DNHD1: variants seen among roughly 807,000 people sequenced by gnomAD.
DNHD1 encodes dynein heavy chain domain-containing protein 1.
Under a neutral mutation model 458.1 loss-of-function variants are expected in DNHD1, and 383 were observed. That is an observed-to-expected ratio of 0.84 (90% CI 0.77 to 0.91). The LOEUF (loss-of-function observed/expected upper bound fraction) is 0.91, where lower values mean the gene tolerates loss of function less well. DNHD1 is among the 40% of genes least tolerant of loss of function. The probability of loss-of-function intolerance (pLI) is 0.00; values close to 1 mark genes in which losing one functional copy is unlikely to be tolerated. For missense variants in DNHD1, 5,336 were observed against 5,866.1 expected, an observed-to-expected ratio of 0.91 and a Z score of 2.95; for synonymous variants, 2,203 against 2,376.9, an observed-to-expected ratio of 0.93 and a Z score of 2.13.
At chr11:6,512,211 C>CTTTTTTTTTTTTTTTTT (rs11287049) in intron 7 of DNHD1, among the ~76,000 whole-genome samples, 36 of 91,632 alleles carry the variant, frequency 3.9e-4, no homozygotes, top group African/African-American at 1.5e-3. Context: ...CTTTTTCTTT[C>CTTTTTTTTTTTTTTTTT]TTTTTTTTTT....
Position 6,498,472 on chromosome 11 carries a change from C to T in DNHD1, c.257C>T (p.Ala86Val), listed in dbSNP as rs764547906. 6.2e-7 allele frequency: 1 copy of T among 1,614,192 alleles called. No homozygotes were observed. Among genetic ancestry groups the T allele is most frequent in the Non-Finnish European group, 8.5e-7 (1 of 1,180,044 alleles). ...SSPAAWRYLH[A>V]VLGLLPPYRE... ...CCTGCAGCTTGGCGCTATCTTCATG[C>T]AGTACTGGGTCTACTGCCTCCATAT... Residue 86 changes from alanine to valine, a missense_variant, in exon 3 of 43, where the codon GCA (alanine) becomes GTA (valine). Ala to Val is a moderately conservative substitution (Grantham distance 64). Around this residue, in one of 4 missense-constraint regions of DNHD1, gnomAD observed 3,932 missense variants for 4,365.6 expected, o/e 0.90. Transcript: ENST00000254579.
chr11:6,559,011 G>T lies in DNHD1; in HGVS notation c.9321G>T (p.Leu3107Phe). ...THYHEHLCPA[L>F]PLVTPKTFLD... ...ACCATGAGCACCTGTGCCCTGCATT[G>T]CCACTCGTCACCCCCAAGACCTTCC... Residue 3107 changes from leucine to phenylalanine, a missense_variant, in exon 27 of 43, where the codon TTG becomes TTT. Coordinates refer to ENST00000254579, the MANE Select transcript of DNHD1 (RefSeq NM_144666.3). 6.4e-7 allele frequency: 1 copy of T among 1,551,644 alleles called. No homozygotes were observed. Among genetic ancestry groups the T allele is most frequent in the South Asian group, 1.2e-5 (1 of 84,060 alleles).
At position 6,570,961 on chromosome 11, in the gene DNHD1, C is replaced by A. The variant is rs768477382; in HGVS notation, c.13449C>A (p.Gly4483=). 30 of 1,606,952 alleles carry A rather than the reference C, an allele frequency of 1.9e-5. No individual in the cohort carries two copies. The highest frequency in any genetic ancestry group is 2.5e-5 in the Non-Finnish European group (29 of 1,174,534). The change falls in exon 42 of 43, where the codon GGC becomes GGA. Residue 4483 remains glycine, a synonymous_variant. Coordinates refer to ENST00000254579, the MANE Select transcript of DNHD1 (RefSeq NM_144666.3). Reference sequence around the variant, plus strand: ...CAAATGCACGGCGGCCTCTGGAGGGCGTCTTAGAGACCGAGGCTCTAGAAC... The same window carrying A: ...CAAATGCACGGCGGCCTCTGGAGGGAGTCTTAGAGACCGAGGCTCTAGAAC... ...LGPNARRPLE[G]VLETEALELS... is the part of the protein sequence containing the mutation.
At chr11:6,515,381 C>T (rs1335893464) in intron 7 of DNHD1, among the ~76,000 whole-genome samples, 5 of 152,152 alleles carry the variant, frequency 3.3e-5, no homozygotes, top group South Asian at 2.1e-4. Flanking sequence ...TATATTTTTT[C>T]GTTCTTCAGG....
chr11:6,536,314 C>G (rs1479834332), intron 14 of DNHD1, among the ~76,000 whole-genome samples: 1 of 152,052 alleles, frequency 6.6e-6, no homozygotes, highest in African/African-American at 2.4e-5. Context: ...ATTATTAGGT[C>G]AACTGACAAA....
chr11:6,566,692 C>G lies in DNHD1; in HGVS notation c.11312C>G (p.Pro3771Arg). 6.2e-7 allele frequency: 1 copy of G among 1,612,942 alleles called. No individual in the cohort carries two copies. Among genetic ancestry groups the G allele is most frequent in the Non-Finnish European group, 8.5e-7 (1 of 1,179,456 alleles). ...CATGAAATCTTGTGCAGAGAGTATC[C>G]TGAACTCGAGACCCGCTGGCAGGAC... Reference protein sequence around the residue: ...MLHEILCREYPELETRWQDLK... With the variant: ...MLHEILCREYRELETRWQDLK... Residue 3771 changes from proline (P) to arginine (R), a missense_variant, in exon 35 of 43, where the codon CCT (proline) becomes CGT (arginine). Physicochemically the swap from Pro to Arg is moderately radical, Grantham distance 103. Around this residue, in one of 4 missense-constraint regions of DNHD1, gnomAD observed 695 missense variants for 804.2 expected, o/e 0.86. Coordinates refer to ENST00000254579, the MANE Select transcript of DNHD1 (RefSeq NM_144666.3).
At position 6,571,381 on chromosome 11, in the gene DNHD1, G is replaced by A. The variant is rs1438384775; in HGVS notation, c.13869G>A (p.Gln4623=). The change falls in exon 42 of 43, where the codon CAG becomes CAA. Residue 4623 remains glutamine (Q), a synonymous_variant. Coordinates refer to ENST00000254579, the MANE Select transcript of DNHD1 (RefSeq NM_144666.3). The surrounding 1 kb of genome is among the most constrained non-coding windows in gnomAD (Gnocchi z 5.0). ...GAGGCTCGGTCTCCAGTCAGCTCCA[G>A]TATAAACGTCTGGAGATGAACAGCA... ...GSRGSVSSQL[Q]YKRLEMNSNP... 1 of 1,611,298 alleles carries A rather than the reference G, an allele frequency of 6.2e-7. No individual in the cohort carries two copies. Among genetic ancestry groups the A allele is most frequent in the Admixed American group, 1.7e-5 (1 of 59,814 alleles).
At chr11:6,532,959 C>A (rs541693565) in intron 12 of DNHD1, 68 bp from the exon 13 acceptor site, 3 of 1,470,578 alleles carry the variant, frequency 2.0e-6, no homozygotes, top group Admixed American at 4.1e-5. Context: ...CCACTCTGGA[C>A]CACAGCACTG....
At chr11:6,532,133 T>C (rs968253629) in intron 12 of DNHD1, among the ~76,000 whole-genome samples, 1 of 152,240 alleles carries the variant, frequency 6.6e-6, no homozygotes, top group Non-Finnish European at 1.5e-5. Context: ...CACTCTATAC[T>C]CTATTTGGTG....
In DNHD1 at chr11:6,571,112, C is replaced by T; in HGVS notation, c.13600C>T (p.Pro4534Ser). 1 of 1,599,934 alleles carries T rather than the reference C, an allele frequency of 6.3e-7. No homozygotes were observed. The highest frequency in any genetic ancestry group is 8.5e-7 in the Non-Finnish European group (1 of 1,174,842). Reference protein sequence around the residue: ...VAHALWTGRLPLPWRPHAPAG... With the variant: ...VAHALWTGRLSLPWRPHAPAG... The stretch of plus-strand genomic sequence containing the variant: ...CCACGCTCTCTGGACTGGCCGCCTA[C>T]CCTTGCCTTGGCGACCTCATGCGCC... Residue 4534 changes from proline (P) to serine (S), a missense_variant, in exon 42 of 43, where the codon CCC (proline) becomes TCC (serine). Pro to Ser is a moderately conservative substitution (Grantham distance 74). This residue lies in a region of DNHD1 where 698 missense variants were observed against 664.9 expected (regional missense o/e 1.05). Coordinates refer to ENST00000254579, the MANE Select transcript of DNHD1 (RefSeq NM_144666.3). The surrounding 1 kb of genome is among the most constrained non-coding windows in gnomAD (Gnocchi z 5.0).
rs1453354492 is a variant in DNHD1 at position 6,538,053 on chromosome 11, C to A, written c.2999-330C>A. ...TAGACTGCTAGTCAAAGGCCCTTAG[C>A]AGGAGGGTGCATATCTGGTGCATCT... On this transcript the variant is annotated intron_variant, in intron 14 of 42. Transcript: ENST00000254579. Among the ~76,000 whole-genome samples the A allele has an allele frequency of 2.0e-5, 3 of 152,216 alleles. No homozygotes were observed. In the East Asian group the frequency reaches 5.8e-4, roughly 29 times the overall value.
intron 28 of DNHD1, among the ~76,000 whole-genome samples, chr11:6,561,262 A>AAAATAATTTT: frequency 6.6e-6 from 1 of 152,020 alleles, no homozygotes; most frequent in Non-Finnish European, 1.5e-5. Context: ...ACAGCAAAAC[A>AAAATAATTTT]CTGTCTCTAC....
At chr11:6,520,205 A>G in intron 9 of DNHD1, 33 bp from the exon 10 acceptor site, 1 of 1,577,752 alleles carries the variant, frequency 6.3e-7, no homozygotes, top group Non-Finnish European at 8.6e-7. Flanking sequence ...TTGCTTTCCC[A>G]TTTCTGCCCC....
In DNHD1 at chr11:6,547,319, A is replaced by T. The variant is rs1190623333; in HGVS notation, c.6380A>T (p.Glu2127Val). ...CCCCCAGGCACCTTTCTCTTGATGG[A>T]GGTGGCTGACACAACAGGCATATCC... ...ARPPGTFLLM[E>V]VADTTGISPT... The change falls in exon 21 of 43, where the codon GAG becomes GTG. Residue 2127 changes from glutamate to valine, a missense_variant. By Grantham distance (121) the Glu-to-Val change is moderately radical. Coordinates refer to ENST00000254579, the MANE Select transcript of DNHD1 (RefSeq NM_144666.3). The T allele has an allele frequency of 6.4e-7, 1 of 1,551,786 alleles. No individual in the cohort carries two copies.
chr11:6,570,195 G>C (rs1853810024), intron 40 of DNHD1, 52 bp from the exon 41 acceptor site: 1 of 1,613,490 alleles, frequency 6.2e-7, no homozygotes, highest in African/African-American at 1.3e-5. Flanking sequence ...TGGTTTTGGC[G>C]GTGGTGGAAA....
At chr11:6,541,162 T>G (rs899441024) in intron 18 of DNHD1, among the ~76,000 whole-genome samples, 13 of 152,210 alleles carry the variant, frequency 8.5e-5, no homozygotes, top group Non-Finnish European at 1.8e-4. Context: ...GGGAGTTACA[T>G]AGAAGACACT....
At chr11:6,503,109 A>C (rs928699815) in intron 4 of DNHD1, 183 bp downstream of exon 4, 3 of 562,032 alleles carry the variant, frequency 5.3e-6, no homozygotes, top group Non-Finnish European at 5.9e-6. Context: ...TCCACTCTCT[A>C]CCTCCCCTTC....
intron 10 of DNHD1, among the ~76,000 whole-genome samples, chr11:6,528,192 AGAT>A (rs1191620308): frequency 1.3e-5 from 2 of 152,214 alleles, no homozygotes; most frequent in Admixed American, 1.3e-4. Flanking sequence ...ACACAGCCCT[AGAT>A]GCTCAACCTT....
At chr11:6,514,228 C>G (rs1390400366) in intron 7 of DNHD1, among the ~76,000 whole-genome samples, 1 of 152,144 alleles carries the variant, frequency 6.6e-6, no homozygotes, top group Non-Finnish European at 1.5e-5. Context: ...ATCAGCCTCC[C>G]AAGTAACTGG....
Sources: allele counts gnomAD v4.1 joint callset (sites outside exome capture counted in the v4.1 genomes callset), GRCh38; gene constraint gnomAD v4.1.1; regional missense constraint gnomAD v4.1.1; non-coding constraint Gnocchi (gnomAD v3.1); transcripts MANE v1.5; gene names NCBI Gene and HGNC (gene_info 2026-07-23, HGNC 2026-07-21).